The following FLG variants were observed in gnomAD, a reference collection of about 807,000 sequenced individuals.
The protein encoded by FLG is epidermal filaggrin.
A neutral mutation model predicts 3.8 loss-of-function variants in FLG; 6 were observed. The ratio of observed to expected loss-of-function variants is 1.60; its 90% CI spans 0.87 to 3.15. The LOEUF is 3.15. FLG is among the 30% of genes most tolerant of loss of function. The pLI, the probability that FLG is intolerant of heterozygous loss-of-function variation, is 0.00. For synonymous variants in FLG, 2,551 were observed against 1,931.6 expected, an observed-to-expected ratio of 1.32 and a Z score of -8.41; for missense variants, 7,595 against 5,050.9, an observed-to-expected ratio of 1.50 and a Z score of -15.27.
At position 152,311,548 on chromosome 1, in the gene FLG, C is replaced by T. The variant is rs140923774; in HGVS notation, c.3338G>A (p.Arg1113His). The T allele has an allele frequency of 7.0e-4, 1,130 of 1,613,930 alleles. 26 individuals carry two copies. In the East Asian group the frequency reaches 0.014, roughly 20 times the overall value. Reference sequence around the variant, plus strand: ...CACCTGGTAGATGAAAGACCCTGAACGTCCAGACCTTCCCCCTGACCAGTC... The same window carrying T: ...CACCTGGTAGATGAAAGACCCTGAATGTCCAGACCTTCCCCCTGACCAGTC... The part of the protein sequence containing the change: ...ARDWSGGRSG[R>H]SGSFIYQVST... Residue 1113 changes from arginine (R) to histidine (H), a missense_variant, in exon 3 of 3, where the codon CGT becomes CAT. By Grantham distance (29) the Arg-to-His change is conservative. Coordinates refer to ENST00000368799, the MANE Select transcript of FLG (RefSeq NM_002016.2).
In FLG at chr1:152,309,857, G is replaced by A. The variant is rs373806639; in HGVS notation, c.5029C>T (p.Pro1677Ser). ...ASSQEQARSS[P>S]GERHGSRHQQ... is the part of the protein sequence containing the mutation. ...TGGCGGGATCCATGTCTTTCTCCTG[G>A]ACTTGACCTTGCCTGTTCCTGGGAT... is the stretch of plus-strand genomic sequence containing the variant. Residue 1677 changes from proline to serine, a missense_variant, in exon 3 of 3, where the codon CCA becomes TCA. By Grantham distance (74) the Pro-to-Ser change is moderately conservative. Coordinates refer to ENST00000368799, the MANE Select transcript of FLG (RefSeq NM_002016.2). 3 of 1,613,796 alleles carry A rather than the reference G, an allele frequency of 1.9e-6. No individual in the cohort carries two copies. Among genetic ancestry groups the A allele is most frequent in the South Asian group, 1.1e-5 (1 of 91,056 alleles).
In FLG at chr1:152,306,341, C is replaced by G. The variant is rs770308981; in HGVS notation, c.8545G>C (p.Asp2849His). 6.2e-7 allele frequency: 1 copy of G among 1,602,090 alleles called. No individual in the cohort carries two copies. The highest frequency in any genetic ancestry group is 8.5e-7 in the Non-Finnish European group (1 of 1,179,810). The change falls in exon 3 of 3, where the codon GAC (aspartate) becomes CAC (histidine). Residue 2849 changes from aspartate (D) to histidine (H), a missense_variant. Physicochemically the swap from Asp to His is moderately conservative, Grantham distance 81. Coordinates refer to ENST00000368799, the MANE Select transcript of FLG (RefSeq NM_002016.2). Reference protein sequence around the residue: ...RTTRNEEQSGDGSRHSGSRHH... With the variant: ...RTTRNEEQSGHGSRHSGSRHH... ...CGCGACCCTGAGTGCCTGGAGCCGTCTCCTGATTGTTCCTCATTACGTGTT... is the reference window on the plus strand; with the variant it reads ...CGCGACCCTGAGTGCCTGGAGCCGTGTCCTGATTGTTCCTCATTACGTGTT...
At position 152,310,377 on chromosome 1, in the gene FLG, G is replaced by T; in HGVS notation, c.4509C>A (p.Ser1503=). The stretch of plus-strand genomic sequence containing the variant: ...ACCTATCTACTGATTGCTCGTGGTA[G>T]GATCCCTGCCTTCCTCCTCTGCTTG... ...PGSSRGGRQG[S]YHEQSVDRSG... The change falls in exon 3 of 3, where the codon TCC becomes TCA. Residue 1503 remains serine (S), a synonymous_variant. Transcript: ENST00000368799. 1.9e-6 allele frequency: 3 copies of T among 1,613,810 alleles called. No individual in the cohort carries two copies. Among genetic ancestry groups the T allele is most frequent in the Non-Finnish European group, 2.5e-6 (3 of 1,179,976 alleles).
Position 152,313,530 on chromosome 1 carries a change from C to A in FLG, c.1356G>T (p.Glu452Asp), listed in dbSNP as rs1387283036. The A allele has an allele frequency of 4.3e-6, 7 of 1,613,298 alleles. No homozygotes were observed. In the African/African-American group the frequency reaches 8.0e-5, roughly 19 times the overall value. The change falls in exon 3 of 3, where the codon GAG (glutamate) becomes GAT (aspartate). Residue 452 changes from glutamate to aspartate, a missense_variant. Physicochemically the swap from Glu to Asp is conservative, Grantham distance 45 (BLOSUM62 2). Coordinates refer to ENST00000368799, the MANE Select transcript of FLG (RefSeq NM_002016.2). ...KAGLRQQSHQ[E>D]STRGRSGERS... is the part of the protein sequence containing the mutation. The stretch of plus-strand genomic sequence containing the variant: ...GTTCCCCTGACCGGCCACGTGTGGA[C>A]TCTTGGTGGCTCTGCTGTCTCAGCC...
Position 152,304,406 on chromosome 1 carries a change from G to T in FLG, c.10480C>A (p.Gln3494Lys), listed in dbSNP as rs1464398975. ...GAGTGCCTGGAGCCATCTCCTGATTGTTCGTCATTACGAGTTTGTCTGCTG... is the reference window on the plus strand; with the variant it reads ...GAGTGCCTGGAGCCATCTCCTGATTTTTCGTCATTACGAGTTTGTCTGCTG... ...SASRQTRNDE[Q>K]SGDGSRHSWS... Residue 3494 changes from glutamine (Q) to lysine (K), a missense_variant, in exon 3 of 3, where the codon CAA (glutamine) becomes AAA (lysine). Transcript: ENST00000368799. 6.2e-7 allele frequency: 1 copy of T among 1,611,826 alleles called. No homozygotes were observed. The highest frequency in any genetic ancestry group is 8.5e-7 in the Non-Finnish European group (1 of 1,179,112).
Position 152,313,876 on chromosome 1 carries a change from C to T in FLG, c.1010G>A (p.Arg337Lys). 6.2e-7 allele frequency: 1 copy of T among 1,613,962 alleles called. No individual in the cohort carries two copies. The highest frequency in any genetic ancestry group is 2.2e-5 in the East Asian group (1 of 44,840). The change falls in exon 3 of 3, where the codon AGG (arginine) becomes AAG (lysine). Residue 337 changes from arginine (R) to lysine (K), a missense_variant. Coordinates refer to ENST00000368799, the MANE Select transcript of FLG (RefSeq NM_002016.2). ...EQSRDGSRHPRSHDEDRASHG... is the reference protein window; with the variant it reads ...EQSRDGSRHPKSHDEDRASHG... ...ACTGGCTCTGTCTTCATCATGGGAC[C>T]TGGGGTGTCTGGAGCCATCTCTTGA...
chr1:152,309,219 G>C lies in FLG; in HGVS notation c.5667C>G (p.Ser1889=). The C allele has an allele frequency of 6.2e-7, 1 of 1,613,638 alleles. No homozygotes were observed. The highest frequency in any genetic ancestry group is 8.5e-7 in the Non-Finnish European group (1 of 1,179,936). The change falls in exon 3 of 3, where the codon TCC becomes TCG. Residue 1889 remains serine (S), a synonymous_variant. Transcript: ENST00000368799. ...AGTGTCTAGAGCTGTCGGCCCGAGA[G>C]GAAGCTTCATGGTGACGCGACCCTG... ...RHSGSRHHEA[S]SRADSSRHSQ... is the part of the protein sequence containing the mutation.
rs1228038340 is a variant in FLG at position 152,304,848 on chromosome 1, A to G, written c.10038T>C (p.His3346=). The part of the protein sequence containing the change: ...SGSQASDSEG[H]SEESDTQSVS... ...CTGACTGTGTGTCTGACTCTTCTGA[A>G]TGTCCCTCACTATCACTGGCCTGAC... The change falls in exon 3 of 3, where the codon CAT becomes CAC. Residue 3346 remains histidine, a synonymous_variant. Coordinates refer to ENST00000368799, the MANE Select transcript of FLG (RefSeq NM_002016.2). 3 of 1,613,498 alleles carry G rather than the reference A, an allele frequency of 1.9e-6. No homozygotes were observed. The highest frequency in any genetic ancestry group is 1.7e-6 in the Non-Finnish European group (2 of 1,179,910).
Position 152,310,326 on chromosome 1 carries a change from G to C in FLG, c.4560C>G (p.Ser1520Arg). The C allele has an allele frequency of 6.2e-7, 1 of 1,613,906 alleles. No individual in the cohort carries two copies. Among genetic ancestry groups the C allele is most frequent in the African/African-American group, 1.3e-5 (1 of 74,952 alleles). ...CAGACCTTCCCTGGGGTGTGGTGTGGCTGTGATGGTACCCTGAGTGTCCAG... is the reference window on the plus strand; with the variant it reads ...CAGACCTTCCCTGGGGTGTGGTGTGCCTGTGATGGTACCCTGAGTGTCCAG... ...DRSGHSGYHH[S>R]HTTPQGRSDA... Residue 1520 changes from serine to arginine, a missense_variant, in exon 3 of 3, where the codon AGC becomes AGG. Ser to Arg is a moderately radical substitution (Grantham distance 110, BLOSUM62 -1). Coordinates refer to ENST00000368799, the MANE Select transcript of FLG (RefSeq NM_002016.2).
At position 152,312,853 on chromosome 1, in the gene FLG, C is replaced by T. The variant is rs761983381; in HGVS notation, c.2033G>A (p.Arg678Lys). Residue 678 changes from arginine to lysine, a missense_variant, in exon 3 of 3, where the codon AGA becomes AAA. By Grantham distance (26) the Arg-to-Lys change is conservative (BLOSUM62 2). Transcript: ENST00000368799. ...CTGTGTGTGACGAGTGCCTGATTTT[C>T]TGGAGCTGTCTGCAGAGTGCCCATG... is the stretch of plus-strand genomic sequence containing the variant. ...AGHGHSADSS[R>K]KSGTRHTQNS... is the part of the protein sequence containing the mutation. The T allele has an allele frequency of 6.2e-7, 1 of 1,613,960 alleles. No individual in the cohort carries two copies. The highest frequency in any genetic ancestry group is 8.5e-7 in the Non-Finnish European group (1 of 1,180,038).
chr1:152,310,628 G>A lies in FLG; in HGVS notation c.4258C>T (p.Gln1420Ter), dbSNP rs1352510105. 3.7e-6 allele frequency: 6 copies of A among 1,613,864 alleles called. No homozygotes were observed. In the African/African-American group the frequency reaches 5.3e-5, roughly 14 times the overall value. The change falls in exon 3 of 3, where the codon CAG becomes TAG. Residue 1420 changes from glutamine to a stop codon, truncating the protein, a stop_gained. Coordinates refer to ENST00000368799, the MANE Select transcript of FLG (RefSeq NM_002016.2). LOFTEE classifies it low-confidence loss of function (END_TRUNC). ...VSAHGQAGPH[Q>*]QSHKESARGQ... ...CGTGCGGACTCTTTGTGGCTCTGCT[G>A]ATGGGGCCCAGCTTGTCCGTGGGCT...
Position 152,310,337 on chromosome 1 carries a change from A to T in FLG, c.4549T>A (p.Tyr1517Asn). 1 of 1,613,610 alleles carries T rather than the reference A, an allele frequency of 6.2e-7. No homozygotes were observed. Among genetic ancestry groups the T allele is most frequent in the East Asian group, 2.2e-5 (1 of 44,816 alleles). Residue 1517 changes from tyrosine to asparagine, a missense_variant, in exon 3 of 3, where the codon TAC becomes AAC. Coordinates refer to ENST00000368799, the MANE Select transcript of FLG (RefSeq NM_002016.2). ...TGGGGTGTGGTGTGGCTGTGATGGT[A>T]CCCTGAGTGTCCAGACCTATCTACT... ...QSVDRSGHSG[Y>N]HHSHTTPQGR...
rs1651670810 is a variant in FLG at position 152,302,514 on chromosome 1, A to T, written c.*186T>A. The T allele has an allele frequency of 1.4e-6, 1 of 722,328 alleles. No individual in the cohort carries two copies. The highest frequency in any genetic ancestry group is 1.8e-5 in the African/African-American group (1 of 56,064). 44.7% of individuals were successfully genotyped at this position (722,328 alleles called of 1,614,324 possible). A position where few individuals can be genotyped will look rare whatever the true frequency, so the allele number is the denominator to read the frequency against. ...ATTTCTTCCATTTAATATTTCTGAAATATAGCGTTTAAAGATCATTACACA... is the reference window on the plus strand; with the variant it reads ...ATTTCTTCCATTTAATATTTCTGAATTATAGCGTTTAAAGATCATTACACA... On this transcript the variant is annotated 3_prime_UTR_variant, in exon 3 of 3. Transcript: ENST00000368799.
At chr1:152,323,540 A>G (rs545401978) in intron 1 of FLG, among the ~76,000 whole-genome samples, 6 of 151,966 alleles carry the variant, frequency 3.9e-5, no homozygotes, top group African/African-American at 1.4e-4. Flanking sequence ...AAAACTTCTC[A>G]ACCTTGTTAT....
In FLG at chr1:152,304,583, G is replaced by A. The variant is rs769913099; in HGVS notation, c.10303C>T (p.Arg3435Cys). ...SASQEGQDTI[R>C]GHPGSSRRGR... Reference sequence around the variant, plus strand: ...CTTCTGCTTGACCCCGGGTGTCCACGAATGGTGTCCTGACCCTCTTGGGAC... The same window carrying A: ...CTTCTGCTTGACCCCGGGTGTCCACAAATGGTGTCCTGACCCTCTTGGGAC... The change falls in exon 3 of 3, where the codon CGT becomes TGT. Residue 3435 changes from arginine (R) to cysteine (C), a missense_variant. Physicochemically the swap from Arg to Cys is radical, Grantham distance 180. Transcript: ENST00000368799. 1.2e-6 allele frequency: 2 copies of A among 1,610,516 alleles called. No homozygotes were observed. The highest frequency in any genetic ancestry group is 2.2e-5 in the East Asian group (1 of 44,534).
chr1:152,311,389 C>G lies in FLG; in HGVS notation c.3497G>C (p.Arg1166Pro), dbSNP rs752322228. 6.2e-7 allele frequency: 1 copy of G among 1,613,776 alleles called. No homozygotes were observed. The change falls in exon 3 of 3, where the codon CGT (arginine) becomes CCT (proline). Residue 1166 changes from arginine to proline, a missense_variant. Arg to Pro is a moderately radical substitution (Grantham distance 103, BLOSUM62 -2). Transcript: ENST00000368799. ...TCCTCTCCTTGACCCCGGGTGTGCA[C>G]GAATGGTGTCCTGACCCTCTTGGGA... Reference protein sequence around the residue: ...SASQEGQDTIRAHPGSRRGGR... With the variant: ...SASQEGQDTIPAHPGSRRGGR...
rs771673904 is a variant in FLG at position 152,310,549 on chromosome 1, C to G, written c.4337G>C (p.Ser1446Thr). 6.2e-7 allele frequency: 1 copy of G among 1,613,776 alleles called. No homozygotes were observed. Among genetic ancestry groups the G allele is most frequent in the Non-Finnish European group, 8.5e-7 (1 of 1,179,910 alleles). ...TGTGGACTCAGACTGTTCATGAGAG[C>G]TCACCTGGTAGAGGAAAGACCTTGA... Reference protein sequence around the residue: ...GRSRSFLYQVSSHEQSESTHG... With the variant: ...GRSRSFLYQVTSHEQSESTHG... Residue 1446 changes from serine to threonine, a missense_variant, in exon 3 of 3, where the codon AGC (serine) becomes ACC (threonine). Physicochemically the swap from Ser to Thr is moderately conservative, Grantham distance 58. Transcript: ENST00000368799.
chr1:152,321,478 G>C (rs1011248673), intron 1 of FLG, among the ~76,000 whole-genome samples: 23 of 150,830 alleles, frequency 1.5e-4, no homozygotes, highest in African/African-American at 5.6e-4. Flanking sequence ...AAGTAAAAGG[G>C]GACATTGCTA....
chr1:152,304,471 C>A lies in FLG; in HGVS notation c.10415G>T (p.Arg3472Met). 1 of 1,612,780 alleles carries A rather than the reference C, an allele frequency of 6.2e-7. No individual in the cohort carries two copies. The highest frequency in any genetic ancestry group is 8.5e-7 in the Non-Finnish European group (1 of 1,179,604). ...SHHSHTTSQG[R>M]SDASRGQSGS... ...TGACTGCCCACGGGAGGCATCAGAC[C>A]TTCCCTGGGATGTGGTGTGGCTGTG... The change falls in exon 3 of 3, where the codon AGG (arginine) becomes ATG (methionine). Residue 3472 changes from arginine (R) to methionine (M), a missense_variant. Arg to Met is a moderately conservative substitution (Grantham distance 91, BLOSUM62 -1). Transcript: ENST00000368799.
Sources: gnomAD v4.1 joint callset for allele counts (sites outside exome capture counted in the v4.1 genomes callset) on GRCh38, gnomAD v4.1.1 for gene constraint, MANE v1.5 for transcripts, NCBI Gene and HGNC (gene_info 2026-07-23, HGNC 2026-07-21) for gene names.